Variants in PLCB1 observed in about 807,000 individuals in gnomAD.
PLCB1 encodes the protein 1-phosphatidylinositol 4,5-bisphosphate phosphodiesterase beta-1.
In PLCB1, 46 loss-of-function variants were observed where a neutral mutation model predicts 161.8. The observed-to-expected ratio is 0.28, with a 90% CI of 0.22 to 0.36. PLCB1 has a LOEUF of 0.36. Among genes scored for constraint, PLCB1 ranks in the 10% least tolerant of loss-of-function variants. PLCB1 has a pLI of 1.00. For missense variants in PLCB1, 1,016 were observed against 1,472.5 expected (o/e 0.69, Z 5.07); for synonymous variants, 517 against 503.7 (o/e 1.03, Z -0.35).
At chr20:8,155,183 A>G (rs2051546618) in intron 2 of PLCB1, among the ~76,000 whole-genome samples, 1 of 151,780 alleles carries the variant, frequency 6.6e-6, no homozygotes, top group East Asian at 1.9e-4. Flanking sequence ...TATCTCATTT[A>G]TTTTCTGCCT....
At chr20:8,214,335 C>T (rs975051476) in intron 2 of PLCB1, among the ~76,000 whole-genome samples, 1 of 152,084 alleles carries the variant, frequency 6.6e-6, no homozygotes, top group African/African-American at 2.4e-5. Flanking sequence ...TAGTGCTGTC[C>T]TCACGACAGT....
chr20:8,302,905 G>A (rs947219038), intron 2 of PLCB1, among the ~76,000 whole-genome samples: 4 of 152,092 alleles, frequency 2.6e-5, no homozygotes, highest in Non-Finnish European at 4.4e-5. Flanking sequence ...GATCTTTGAA[G>A]ATGGTGGAAG....
intron 3 of PLCB1, among the ~76,000 whole-genome samples, chr20:8,533,349 C>T (rs1984899990): frequency 6.6e-6 from 1 of 150,598 alleles, no homozygotes; most frequent in African/African-American, 2.5e-5. Flanking sequence ...TTTATAGCAG[C>T]ATGATTTATA....
chr20:8,371,146 G>T (rs1399346965), intron 2 of PLCB1: 3 of 479,588 alleles, frequency 6.3e-6, no homozygotes, highest in Non-Finnish European at 1.1e-5. Flanking sequence ...GATAGACTGG[G>T]GACATAACCA....
intron 3 of PLCB1, among the ~76,000 whole-genome samples, chr20:8,627,242 T>C (rs1425445984): frequency 1.3e-5 from 2 of 152,248 alleles, no homozygotes. Flanking sequence ...GTAACTCAGC[T>C]GGAAAGGTTT....
intron 31 of PLCB1, among the ~76,000 whole-genome samples, chr20:8,815,626 T>A (rs375807645): frequency 3.3e-5 from 5 of 152,260 alleles, no homozygotes; most frequent in African/African-American, 9.6e-5. Flanking sequence ...AGGTCAGAAG[T>A]CTAATCTTCA....
At chr20:8,320,836 A>C (rs1984881715) in intron 2 of PLCB1, among the ~76,000 whole-genome samples, 1 of 124,704 alleles carries the variant, frequency 8.0e-6, no homozygotes, top group Non-Finnish European at 1.7e-5. Context: ...GGAGAGAGGG[A>C]GGGAGGGAGG....
chr20:8,499,163 A>G (rs1449015941), intron 3 of PLCB1, among the ~76,000 whole-genome samples: 5 of 152,258 alleles, frequency 3.3e-5, no homozygotes, highest in Non-Finnish European at 1.5e-5. Flanking sequence ...TCATTCAGAA[A>G]GTATTTGATG....
At chr20:8,359,078 T>G (rs1443368859) in intron 2 of PLCB1, among the ~76,000 whole-genome samples, 1 of 152,216 alleles carries the variant, frequency 6.6e-6, no homozygotes, top group Non-Finnish European at 1.5e-5. Flanking sequence ...CATAAGGCCT[T>G]GTAAAAGAGT....
At chr20:8,731,855 A>C (rs1004506271) in intron 18 of PLCB1, among the ~76,000 whole-genome samples, 1 of 150,222 alleles carries the variant, frequency 6.7e-6, no homozygotes, top group Non-Finnish European at 1.5e-5. Context: ...TTGACATCAT[A>C]GTTATGTTTA....
Position 8,464,414 on chromosome 20 carries a change from G to A in PLCB1, c.246+92964G>A, listed in dbSNP as rs187787554. Among the ~76,000 whole-genome samples, 18 of 152,038 alleles carry A rather than the reference G, an allele frequency of 1.2e-4. No individual in the cohort carries two copies. The East Asian group carries it at 2.9e-3, about 24-fold the overall frequency. On this transcript the variant is annotated intron_variant, in intron 3 of 31. Transcript: ENST00000338037. ...TCTCAATAGACTTTTCCACTCTGTC[G>A]TGCCCTCCAACAACTTTCTTATGAT...
intron 10 of PLCB1, among the ~76,000 whole-genome samples, chr20:8,687,000 A>C (rs1990374491): frequency 7.1e-6 from 1 of 141,412 alleles, no homozygotes; most frequent in South Asian, 2.4e-4. Context: ...AAATATTTCT[A>C]CTTCTACCTA....
chr20:8,657,701 T>A (rs554902122), intron 8 of PLCB1, among the ~76,000 whole-genome samples: 135 of 152,178 alleles, frequency 8.9e-4, no homozygotes, highest in African/African-American at 3.2e-3. Context: ...GCTGAAGAAT[T>A]ATTTGCTTTT....
intron 3 of PLCB1, among the ~76,000 whole-genome samples, chr20:8,428,152 T>C (rs541120870): frequency 2.0e-5 from 3 of 151,978 alleles, no homozygotes; most frequent in Non-Finnish European, 4.4e-5. Flanking sequence ...ACAGCCCCCA[T>C]GACTTGAGTC....
chr20:8,807,031 G>A (rs1984571169), intron 31 of PLCB1, among the ~76,000 whole-genome samples: 1 of 152,200 alleles, frequency 6.6e-6, no homozygotes, highest in Non-Finnish European at 1.5e-5. Flanking sequence ...ATTCCCGAGG[G>A]CTGTTGTGTG....
At chr20:8,217,801 T>A (rs76597861) in intron 2 of PLCB1, among the ~76,000 whole-genome samples, 1 of 152,046 alleles carries the variant, frequency 6.6e-6, no homozygotes, top group Non-Finnish European at 1.5e-5. Context: ...AGGAGTGGGA[T>A]AGTTATTGCG....
rs530181753 is a variant in PLCB1 at position 8,162,434 on chromosome 20, T to C, written c.177+12063T>C. Among the ~76,000 whole-genome samples the C allele has an allele frequency of 1.3e-5, 2 of 152,350 alleles. 1 individual carries two copies. The highest frequency in any genetic ancestry group is 4.8e-5 in the African/African-American group (2 of 41,584). ...TAGCATTATGTCATTTCTTATCAAT[T>C]TGTAGGAATCCTTCCTTAACTGAGA... On this transcript the variant is annotated intron_variant, in intron 2 of 31. Transcript: ENST00000338037.
chr20:8,871,213 T>G (rs1019699285), intron 31 of PLCB1, among the ~76,000 whole-genome samples: 1 of 152,204 alleles, frequency 6.6e-6, no homozygotes, highest in Non-Finnish European at 1.5e-5. Context: ...TTTTATATAT[T>G]AGAGCAGATT....
chr20:8,443,896 C>T (rs1207075826), intron 3 of PLCB1, among the ~76,000 whole-genome samples: 2 of 152,152 alleles, frequency 1.3e-5, no homozygotes, highest in Non-Finnish European at 2.9e-5. Flanking sequence ...ACAATAGCAC[C>T]CCACAGTGGC....
Sources: gnomAD v4.1 joint callset for allele counts (sites outside exome capture counted in the v4.1 genomes callset) on GRCh38, gnomAD v4.1.1 for gene constraint, MANE v1.5 for transcripts, NCBI Gene and HGNC (gene_info 2026-07-23, HGNC 2026-07-21) for gene names.